Variants in DSG4 observed in about 807,000 individuals in gnomAD.
DSG4 encodes desmoglein-4.
In DSG4, 87 loss-of-function variants were observed where a neutral mutation model predicts 93.1. The observed-to-expected ratio is 0.93, with a 90% CI of 0.79 to 1.12. The LOEUF (loss-of-function observed/expected upper bound fraction) is 1.12, where lower values mean the gene tolerates loss of function less well. Ranked by LOEUF, DSG4 falls within the 50% of genes most tolerant of loss-of-function variation. The probability of loss-of-function intolerance (pLI) is 0.00; values close to 1 mark genes in which losing one functional copy is unlikely to be tolerated. For missense variants in DSG4, 1,373 were observed against 1,285.7 expected (o/e 1.07, Z -1.04); for synonymous variants, 432 against 452.9 (o/e 0.95, Z 0.59).
chr18:31,411,937 G>C (rs908784672), intron 15 of DSG4, among the ~76,000 whole-genome samples: 1 of 152,224 alleles, frequency 6.6e-6, no homozygotes, highest in African/African-American at 2.4e-5. Context: ...TTAAGACCTA[G>C]AAGATAGCTC....
At chr18:31,403,901 T>C (rs879894852) in intron 11 of DSG4, among the ~76,000 whole-genome samples, 1 of 152,192 alleles carries the variant, frequency 6.6e-6, no homozygotes, top group Non-Finnish European at 1.5e-5. Flanking sequence ...TTTGAGTAGG[T>C]AAAACGTTGA....
intron 8 of DSG4, among the ~76,000 whole-genome samples, chr18:31,393,501 G>A (rs1368996936): frequency 1.3e-5 from 2 of 152,152 alleles, no homozygotes; most frequent in African/African-American, 4.8e-5. Context: ...GGCAGTAGCA[G>A]AAGAGAGAAG....
chr18:31,399,137 T>A (rs571986162), intron 8 of DSG4, 135 bp from the exon 9 acceptor site: 9 of 1,138,990 alleles, frequency 7.9e-6, no homozygotes, highest in Non-Finnish European at 1.0e-5. Context: ...TAAGTAAAAT[T>A]TTTTTCAATT....
intron 1 of DSG4, 35 bp from the exon 2 acceptor site, chr18:31,385,101 A>C (rs974187395): frequency 1.3e-5 from 20 of 1,585,546 alleles, no homozygotes; most frequent in Non-Finnish European, 1.7e-5. Context: ...AAATTATGCA[A>C]ATTTATGCTA....
chr18:31,384,364 T>C (rs1431131515), intron 1 of DSG4, among the ~76,000 whole-genome samples: 3 of 152,200 alleles, frequency 2.0e-5, no homozygotes, highest in South Asian at 2.1e-4. Flanking sequence ...TTCACAATGA[T>C]AGAAATTCCA....
intron 14 of DSG4, among the ~76,000 whole-genome samples, chr18:31,410,768 G>A (rs192646683): frequency 6.6e-6 from 1 of 152,222 alleles, no homozygotes; most frequent in Non-Finnish European, 1.5e-5. Context: ...TCCCAAGCTT[G>A]GCCCTTTGTA....
chr18:31,406,329 C>A lies in DSG4; in HGVS notation c.1889C>A (p.Pro630Gln), dbSNP rs1186369817. ...GGAGTTTCAAATGTTGGTCTTGGAC[C>A]AGCAGGGATTGGCATGATGGTTCTG... ...QAGVSNVGLG[P>Q]AGIGMMVLGI... The change falls in exon 12 of 16, where the codon CCA becomes CAA. Residue 630 changes from proline to glutamine, a missense_variant. Physicochemically the swap from Pro to Gln is moderately conservative, Grantham distance 76. Transcript: ENST00000308128. 1.2e-6 allele frequency: 2 copies of A among 1,614,026 alleles called. No homozygotes were observed. Among genetic ancestry groups the A allele is most frequent in the African/African-American group, 2.7e-5 (2 of 74,912 alleles).
intron 1 of DSG4, among the ~76,000 whole-genome samples, chr18:31,384,588 T>G (rs566649950): frequency 1.3e-5 from 2 of 152,306 alleles, no homozygotes; most frequent in South Asian, 2.1e-4. Context: ...ACAAAGAACT[T>G]ATTCATCTAT....
intron 8 of DSG4, among the ~76,000 whole-genome samples, chr18:31,396,850 T>C (rs931257835): frequency 6.6e-6 from 1 of 152,206 alleles, no homozygotes; most frequent in African/African-American, 2.4e-5. Flanking sequence ...AGAACTAGCA[T>C]GCCGAGACTT....
In DSG4 at chr18:31,391,189, T is replaced by A; in HGVS notation, c.796T>A (p.Phe266Ile). The change falls in exon 7 of 16, where the codon TTC becomes ATC. Residue 266 changes from phenylalanine to isoleucine, a missense_variant. Transcript: ENST00000308128. ...CAAGGTTTTAGACGTCAACGATAAT[T>A]TCCCCACCTTAGAGAAAACTTCAGT... ...RIKVLDVNDNFPTLEKTSYSA... is the reference protein window; with the variant it reads ...RIKVLDVNDNIPTLEKTSYSA... 6.2e-7 allele frequency: 1 copy of A among 1,613,624 alleles called. No individual in the cohort carries two copies. Among genetic ancestry groups the A allele is most frequent in the Non-Finnish European group, 8.5e-7 (1 of 1,179,668 alleles).
intron 3 of DSG4, 84 bp from the exon 4 acceptor site, chr18:31,388,278 TAAAGA>T (rs2144172753): frequency 6.8e-7 from 1 of 1,476,326 alleles, no homozygotes; most frequent in East Asian, 2.4e-5. Context: ...GCCCATTTGG[TAAAGA>T]AACCCACTCC....
Position 31,376,826 on chromosome 18 carries a change from C to T in DSG4, c.-86C>T. 1 of 1,477,980 alleles carries T rather than the reference C, an allele frequency of 6.8e-7. No individual in the cohort carries two copies. Among genetic ancestry groups the T allele is most frequent in the Non-Finnish European group, 9.4e-7 (1 of 1,058,292 alleles). The allele number at this position is 1,477,980 out of a possible 1,614,324, so 91.6% of individuals were successfully genotyped here. On this transcript the variant is annotated 5_prime_UTR_variant, in exon 1 of 16. Coordinates refer to ENST00000308128, the MANE Select transcript of DSG4 (RefSeq NM_177986.5). Reference sequence around the variant, plus strand: ...CCTAAAAGGGTGTCTCAAAGCATATCTTTCTGTAGAGCAGAATTCGGAACT... The same window carrying T: ...CCTAAAAGGGTGTCTCAAAGCATATTTTTCTGTAGAGCAGAATTCGGAACT...
Position 31,378,356 on chromosome 18 carries a change from T to A in DSG4, c.48+1397T>A, listed in dbSNP as rs563385425. 2.0e-3 allele frequency among the ~76,000 whole-genome samples: 305 copies of A among 152,312 alleles called. 1 individual carries two copies. The highest frequency in any genetic ancestry group is 6.8e-3 in the African/African-American group (283 of 41,576). The stretch of plus-strand genomic sequence containing the variant: ...TACCTCTTGTTACTCTTCTACCGAG[T>A]ATATTCATGCTTTGACTCAGATAAA... On this transcript the variant is annotated intron_variant, in intron 1 of 15. Transcript: ENST00000308128.
In DSG4 at chr18:31,413,733, T is replaced by C. The variant is rs1003545965; in HGVS notation, c.*138T>C. 4 of 1,200,378 alleles carry C rather than the reference T, an allele frequency of 3.3e-6. No individual in the cohort carries two copies. Among genetic ancestry groups the C allele is most frequent in the Non-Finnish European group, 4.7e-6 (4 of 854,018 alleles). The allele number at this position is 1,200,378 out of a possible 1,614,324, so 74.4% of individuals were successfully genotyped here. On this transcript the variant is annotated 3_prime_UTR_variant, in exon 16 of 16. Coordinates refer to ENST00000308128, the MANE Select transcript of DSG4 (RefSeq NM_177986.5). ...TTCTAAGGTCAATGCCATTATTTGA[T>C]TATACCATTTTGAGGGTGAATATGG...
At chr18:31,386,958 A>C in intron 3 of DSG4, 139 bp downstream of exon 3, 1 of 1,397,934 alleles carries the variant, frequency 7.2e-7, no homozygotes, top group Admixed American at 1.9e-5. Flanking sequence ...TTGCTGAGCC[A>C]CTGATTTGAA....
chr18:31,383,340 T>C (rs1245629250), intron 1 of DSG4, among the ~76,000 whole-genome samples: 2 of 152,194 alleles, frequency 1.3e-5, no homozygotes, highest in Non-Finnish European at 2.9e-5. Context: ...ACATATCCAC[T>C]ATGGACTGTA....
intron 1 of DSG4, among the ~76,000 whole-genome samples, chr18:31,378,839 T>C (rs1366877588): frequency 6.6e-6 from 1 of 152,150 alleles, no homozygotes; most frequent in East Asian, 1.9e-4. Flanking sequence ...GTTATAGATA[T>C]TATAGGAAAG....
At chr18:31,379,231 T>C (rs2072108972) in intron 1 of DSG4, among the ~76,000 whole-genome samples, 1 of 152,210 alleles carries the variant, frequency 6.6e-6, no homozygotes, top group African/African-American at 2.4e-5. Context: ...CTCTTCAAAG[T>C]GGCTGTGTAA....
intron 15 of DSG4, 75 bp from the exon 16 acceptor site, chr18:31,412,753 C>T: frequency 6.6e-7 from 1 of 1,505,630 alleles, no homozygotes; most frequent in East Asian, 2.3e-5. Flanking sequence ...AGAAGTCTCT[C>T]TGAGGGATTG....
Sources: gnomAD v4.1 joint callset for allele counts (sites outside exome capture counted in the v4.1 genomes callset) on GRCh38, gnomAD v4.1.1 for gene constraint, MANE v1.5 for transcripts, NCBI Gene and HGNC (gene_info 2026-07-23, HGNC 2026-07-21) for gene names.